Variants in NPNT observed in about 807,000 individuals in gnomAD.
NPNT encodes nephronectin.
NPNT carries 45 observed loss-of-function variants against 68.6 expected under a neutral mutation model. That is an observed-to-expected ratio of 0.66 (90% confidence interval 0.52 to 0.84). The LOEUF (loss-of-function observed/expected upper bound fraction) is 0.84, where lower values mean the gene tolerates loss of function less well. Ranked by LOEUF, NPNT falls within the 40% of genes least tolerant of loss-of-function variation. The probability of loss-of-function intolerance (pLI) is 0.00; values close to 1 mark genes in which losing one functional copy is unlikely to be tolerated. For missense variants in NPNT, 672 were observed against 714.8 expected (o/e 0.94, Z 0.68); for synonymous variants, 233 against 253.3 (o/e 0.92, Z 0.76).
At chr4:105,917,594 A>G (rs958927530) in intron 2 of NPNT, among the ~76,000 whole-genome samples, 2 of 152,218 alleles carry the variant, frequency 1.3e-5, no homozygotes, top group Non-Finnish European at 2.9e-5. Flanking sequence ...GTATATACAT[A>G]TAATTTATGA....
chr4:105,898,362 C>CTCTG (rs1726111402), intron 2 of NPNT, among the ~76,000 whole-genome samples: 1 of 142,862 alleles, frequency 7.0e-6, no homozygotes, highest in East Asian at 2.0e-4. Context: ...CTCTCTCTCT[C>CTCTG]TCTCTCTCTC....
intron 8 of NPNT, among the ~76,000 whole-genome samples, chr4:105,950,230 C>T (rs1190824106): frequency 2.0e-5 from 3 of 152,020 alleles, no homozygotes; most frequent in African/African-American, 2.4e-5. Context: ...ATTTGTATTA[C>T]GAGAGGGAAT....
chr4:105,948,756 G>A (rs1228288147), intron 8 of NPNT, among the ~76,000 whole-genome samples: 2 of 152,052 alleles, frequency 1.3e-5, no homozygotes, highest in Admixed American at 6.6e-5. Flanking sequence ...AAGTAGCTGG[G>A]TGGCTATTTA....
intron 10 of NPNT, among the ~76,000 whole-genome samples, chr4:105,963,437 C>T (rs765050601): frequency 2.6e-5 from 4 of 152,086 alleles, no homozygotes; most frequent in Non-Finnish European, 4.4e-5. Context: ...AAACTCAAAA[C>T]CTTAAGAAAT....
chr4:105,904,659 T>A (rs1726730308), intron 2 of NPNT, among the ~76,000 whole-genome samples: 1 of 152,042 alleles, frequency 6.6e-6, no homozygotes, highest in African/African-American at 2.4e-5. Context: ...TTCATTGATC[T>A]TTTATTATCT....
chr4:105,919,030 C>T (rs760783351), intron 2 of NPNT, among the ~76,000 whole-genome samples: 5 of 152,120 alleles, frequency 3.3e-5, no homozygotes, highest in African/African-American at 7.2e-5. Flanking sequence ...CTAACTGCAG[C>T]ATCTATGCTT....
chr4:105,929,276 A>T (rs1025894092), intron 3 of NPNT, among the ~76,000 whole-genome samples: 1 of 152,210 alleles, frequency 6.6e-6, no homozygotes, highest in African/African-American at 2.4e-5. Context: ...AACATACTCA[A>T]AATGGTGGTT....
At chr4:105,935,830 G>C (rs6838274) in intron 3 of NPNT, among the ~76,000 whole-genome samples, 1 of 152,050 alleles carries the variant, frequency 6.6e-6, no homozygotes, top group East Asian at 1.9e-4. Context: ...ATGGAACTTG[G>C]TGATTTAGTT....
At chr4:105,943,139 G>C (rs1255039702) in intron 8 of NPNT, among the ~76,000 whole-genome samples, 1 of 152,192 alleles carries the variant, frequency 6.6e-6, no homozygotes, top group Non-Finnish European at 1.5e-5. Context: ...AACAGAAAAG[G>C]TCACAGTCTG....
chr4:105,913,625 C>T (rs1303213514), intron 2 of NPNT, among the ~76,000 whole-genome samples: 12 of 152,186 alleles, frequency 7.9e-5, no homozygotes, highest in Admixed American at 7.9e-4. Context: ...AAATGGAGAA[C>T]TCTGAGCCGA....
intron 2 of NPNT, among the ~76,000 whole-genome samples, chr4:105,919,936 G>C (rs1221418394): frequency 6.6e-6 from 1 of 151,736 alleles, no homozygotes; most frequent in Non-Finnish European, 1.5e-5. Context: ...CTTTCACTTG[G>C]TGAAAGTTTT....
intron 9 of NPNT, among the ~76,000 whole-genome samples, 182 bp downstream of exon 9, chr4:105,958,739 T>A (rs1434017431): frequency 2.0e-5 from 3 of 152,256 alleles, no homozygotes; most frequent in East Asian, 1.9e-4. Context: ...TTTTCTTTTT[T>A]AAAAAAATTT....
At chr4:105,942,993 A>C (rs576146713) in intron 8 of NPNT, among the ~76,000 whole-genome samples, 1 of 152,350 alleles carries the variant, frequency 6.6e-6, no homozygotes, top group Admixed American at 6.5e-5. Context: ...AAACTCTCAG[A>C]GGTGGGAACT....
intron 3 of NPNT, among the ~76,000 whole-genome samples, chr4:105,933,452 A>C (rs1366679156): frequency 1.3e-5 from 2 of 152,200 alleles, no homozygotes; most frequent in Non-Finnish European, 2.9e-5. Flanking sequence ...ATTATTAATC[A>C]TTGTCTCTGC....
intron 3 of NPNT, 118 bp from the exon 4 acceptor site, chr4:105,936,891 G>A: frequency 1.0e-6 from 1 of 979,670 alleles, no homozygotes; most frequent in Non-Finnish European, 1.5e-6. Context: ...GTAAATGACA[G>A]TTACTGTAGC....
intron 8 of NPNT, among the ~76,000 whole-genome samples, chr4:105,944,860 G>A (rs1730253397): frequency 6.6e-6 from 1 of 152,158 alleles, no homozygotes; most frequent in African/African-American, 2.4e-5. Context: ...TCTAAATAAG[G>A]CAAAGGCTCT....
chr4:105,935,804 G>A (rs1158691878), intron 3 of NPNT, among the ~76,000 whole-genome samples: 2 of 152,104 alleles, frequency 1.3e-5, no homozygotes, highest in Non-Finnish European at 1.5e-5. Flanking sequence ...TAATTATTTG[G>A]TGGTTTTAAA....
intron 10 of NPNT, among the ~76,000 whole-genome samples, chr4:105,965,417 A>T (rs891900903): frequency 1.3e-5 from 2 of 151,664 alleles, no homozygotes; most frequent in African/African-American, 4.8e-5. Context: ...GTAGCTCTAC[A>T]GAGGAAGAAC....
In NPNT at chr4:105,970,557, T is replaced by C. The variant is rs1177578032; in HGVS notation, c.*1567T>C. 1 of 680,436 alleles carries C rather than the reference T, an allele frequency of 1.5e-6. No homozygotes were observed. Among genetic ancestry groups the C allele is most frequent in the Non-Finnish European group, 2.7e-6 (1 of 369,936 alleles). The allele number at this position is 680,436 out of a possible 1,614,324, so 42.1% of individuals were successfully genotyped here. ...GCGACCAGCTGTTCTCCATATGCAC[T>C]AAGAATAGAACAAGAGGAAACTGGC... is the stretch of plus-strand genomic sequence containing the variant. On this transcript the variant is annotated 3_prime_UTR_variant, in exon 12 of 12. Coordinates refer to ENST00000379987, the MANE Select transcript of NPNT (RefSeq NM_001033047.3).
Sources: gnomAD v4.1 joint callset for allele counts (sites outside exome capture counted in the v4.1 genomes callset) on GRCh38, gnomAD v4.1.1 for gene constraint, MANE v1.5 for transcripts, NCBI Gene and HGNC (gene_info 2026-07-23, HGNC 2026-07-21) for gene names.